Variants in ZNF41 observed in about 807,000 individuals in gnomAD.
The protein encoded by ZNF41 is zinc finger protein 41.
In ZNF41, 6 loss-of-function variants were observed where a neutral mutation model predicts 9.3. That is an observed-to-expected ratio of 0.65 (90% CI 0.35 to 1.28). The LOEUF (loss-of-function observed/expected upper bound fraction) is 1.28, where lower values mean the gene tolerates loss of function less well. Ranked by LOEUF, ZNF41 falls within the 50% of genes most tolerant of loss-of-function variation. The pLI is 0.03. For missense variants in ZNF41, 523 were observed against 585.8 expected (o/e 0.89, Z 1.11); for synonymous variants, 192 against 207.1 (o/e 0.93, Z 0.63).
At chrX:47,458,777 G>T (rs377392048) in intron 2 of ZNF41, among the ~76,000 whole-genome samples, 87 of 105,228 alleles carry the variant, frequency 8.3e-4, no homozygotes, top group East Asian at 2.5e-3. Context: ...TTTTTTTTTT[G>T]TTTTGTTTTT....
At position 47,478,398 on chromosome X, in the gene ZNF41, G is replaced by T. The variant is rs767817605; in HGVS notation, c.-280+4697C>A. On this transcript the variant is annotated intron_variant, in intron 1 of 4. Transcript: ENST00000684689. ...GGCACGCACCTATAGTCCCAGCTACGTGGGAGGCTGAGGCAGGAGAATTGC... is the reference window on the plus strand; with the variant it reads ...GGCACGCACCTATAGTCCCAGCTACTTGGGAGGCTGAGGCAGGAGAATTGC... Among the ~76,000 whole-genome samples, 699 of 110,312 alleles carry T rather than the reference G, an allele frequency of 6.3e-3. 7 individuals carry two copies. The highest frequency in any genetic ancestry group is 0.022 in the African/African-American group (664 of 30,350).
At chrX:47,451,425 T>G (rs1194191582) in intron 4 of ZNF41, among the ~76,000 whole-genome samples, 1 of 112,470 alleles carries the variant, frequency 8.9e-6, no homozygotes, top group Non-Finnish European at 1.9e-5. Context: ...CCAGTTACCC[T>G]GATGTGATTA....
At chrX:47,477,501 A>C (rs1485601034) in intron 1 of ZNF41, among the ~76,000 whole-genome samples, 1 of 112,712 alleles carries the variant, frequency 8.9e-6, no homozygotes, top group Non-Finnish European at 1.9e-5. Flanking sequence ...AATTGTGTAC[A>C]GATCTTATGA....
rs896588701 is a variant in ZNF41 at position 47,481,259 on chromosome X, T to C, written c.-280+1836A>G. On this transcript the variant is annotated intron_variant, in intron 1 of 4. Transcript: ENST00000684689. ...GAGTTCAAGACCAGCCTGGGCAACA[T>C]AGCAAGACCCCAATCTCTACAAAAA... Among the ~76,000 whole-genome samples the C allele has an allele frequency of 2.7e-5, 3 of 110,683 alleles. No homozygotes were observed. In the Admixed American group the frequency reaches 2.9e-4, roughly 11 times the overall value.
chrX:47,467,460 G>GA lies in ZNF41; in HGVS notation c.21dup (p.Pro8SerfsTer17). ...GCAGCCAGGGCCGGGGACCATGGGG[G>GA]AGAGTCCCCATTAGCTGCCATGTTC... On this transcript the variant is annotated frameshift_variant, in exon 2 of 5. Transcript: ENST00000684689. LOFTEE classifies it high-confidence loss of function. The GA allele has an allele frequency of 8.4e-7, 1 of 1,188,568 alleles. No homozygotes were observed. Among genetic ancestry groups the GA allele is most frequent in the Non-Finnish European group, 1.1e-6 (1 of 882,837 alleles).
At chrX:47,469,714 T>TA (rs1228015310) in intron 1 of ZNF41, among the ~76,000 whole-genome samples, 1 of 110,018 alleles carries the variant, frequency 9.1e-6, no homozygotes, top group Non-Finnish European at 1.9e-5. Flanking sequence ...ACTAAAAATA[T>TA]AAAAAATTAG....
At chrX:47,466,506 C>T (rs1231346560) in intron 2 of ZNF41, among the ~76,000 whole-genome samples, 1 of 108,031 alleles carries the variant, frequency 9.3e-6, no homozygotes, top group Non-Finnish European at 1.9e-5. Context: ...CTGGGCGAGT[C>T]ATGTGTCTTC....
intron 4 of ZNF41, among the ~76,000 whole-genome samples, chrX:47,454,244 T>G (rs1227939789): frequency 9.0e-6 from 1 of 110,687 alleles, no homozygotes; most frequent in Non-Finnish European, 1.9e-5. Flanking sequence ...AGGGCAATGT[T>G]ATGAACAAGG....
At chrX:47,463,845 A>C (rs1326724509) in intron 2 of ZNF41, among the ~76,000 whole-genome samples, 1 of 111,098 alleles carries the variant, frequency 9.0e-6, no homozygotes, top group East Asian at 2.8e-4. Context: ...CCCATTCTAC[A>C]GCCTCAGCAA....
At chrX:47,477,650 T>C (rs1206253014) in intron 1 of ZNF41, among the ~76,000 whole-genome samples, 1 of 112,715 alleles carries the variant, frequency 8.9e-6, no homozygotes, top group East Asian at 2.8e-4. Context: ...TGATTGACTC[T>C]AACTACTACT....
At chrX:47,450,296 C>T (rs778040338) in intron 4 of ZNF41, among the ~76,000 whole-genome samples, 15 of 110,786 alleles carry the variant, frequency 1.4e-4, no homozygotes, top group African/African-American at 3.6e-4. Flanking sequence ...CTGCAACCTC[C>T]GCCTCCCGGG....
rs144904486 is a variant in ZNF41, at chrX:47,447,656, C to A, written c.2114G>T (p.Arg705Leu). The A allele has an allele frequency of 5.0e-6, 6 of 1,211,528 alleles. No individual in the cohort carries two copies. Among genetic ancestry groups the A allele is most frequent in the East Asian group, 3.0e-5 (1 of 33,835 alleles). Residue 705 changes from arginine to leucine, a missense_variant, in exon 5 of 5, where the codon CGC becomes CTC. Coordinates refer to ENST00000684689, the MANE Select transcript of ZNF41 (RefSeq NM_001324144.2). Reference protein sequence around the residue: ...DCGKTFTWKSRLNIHQKSHTG... With the variant: ...DCGKTFTWKSLLNIHQKSHTG... Reference sequence around the variant, plus strand: ...ATGAGACTTCTGATGTATATTGAGGCGTGACTTCCAGGTGAAGGTTTTCCC... The same window carrying A: ...ATGAGACTTCTGATGTATATTGAGGAGTGACTTCCAGGTGAAGGTTTTCCC...
In ZNF41 at chrX:47,448,373, G is replaced by A. The variant is rs777734489; in HGVS notation, c.1397C>T (p.Pro466Leu). ...THQRIHTGEK[P>L]YECSDCGKSF... ...TTTCCCACAGTCACTGCATTCATACGGCTTTTCTCCAGTATGAATTCTCTG... is the reference window on the plus strand; with the variant it reads ...TTTCCCACAGTCACTGCATTCATACAGCTTTTCTCCAGTATGAATTCTCTG... Residue 466 changes from proline (P) to leucine (L), a missense_variant, in exon 5 of 5, where the codon CCG becomes CTG. Pro to Leu is a moderately conservative substitution (Grantham distance 98). Transcript: ENST00000684689. 18 of 1,211,168 alleles carry A rather than the reference G, an allele frequency of 1.5e-5. No individual in the cohort carries two copies. The highest frequency in any genetic ancestry group is 4.6e-4 in the Middle Eastern group (2 of 4,352).
At chrX:47,479,950 CTGGG>C (rs2057430600) in intron 1 of ZNF41, among the ~76,000 whole-genome samples, 1 of 110,460 alleles carries the variant, frequency 9.1e-6, no homozygotes, top group Non-Finnish European at 1.9e-5. Context: ...CAAAAATTAG[CTGGG>C]CAGGGTGGCA....
chrX:47,474,536 GAA>G (rs1322232784), intron 1 of ZNF41, among the ~76,000 whole-genome samples: 1 of 110,967 alleles, frequency 9.0e-6, no homozygotes, highest in African/African-American at 3.3e-5. Context: ...AGAGAAATGA[GAA>G]ACAGATGGTT....
intron 1 of ZNF41, among the ~76,000 whole-genome samples, chrX:47,473,545 C>T (rs1452292852): frequency 2.7e-5 from 3 of 111,814 alleles, no homozygotes; most frequent in Non-Finnish European, 3.8e-5. Context: ...ATGCATTAAA[C>T]CACATGAAGT....
chrX:47,481,704 A>C (rs1389351438), intron 1 of ZNF41, among the ~76,000 whole-genome samples: 1 of 112,166 alleles, frequency 8.9e-6, no homozygotes, highest in Non-Finnish European at 1.9e-5. Context: ...CACGGAGCTA[A>C]AGTGTTCTTA....
At position 47,446,448 on chromosome X, in the gene ZNF41, T is replaced by G. The variant is rs751899353; in HGVS notation, c.*982A>C. Reference sequence around the variant, plus strand: ...AAAATATTAGGAAGTGAAACTCAATTTTTCAACCATTCTTTTTCAGGAAAT... The same window carrying G: ...AAAATATTAGGAAGTGAAACTCAATGTTTCAACCATTCTTTTTCAGGAAAT... On this transcript the variant is annotated 3_prime_UTR_variant, in exon 5 of 5. Coordinates refer to ENST00000684689, the MANE Select transcript of ZNF41 (RefSeq NM_001324144.2). 2.7e-5 allele frequency: 3 copies of G among 110,558 alleles called. No homozygotes were observed. Among genetic ancestry groups the G allele is most frequent in the African/African-American group, 9.8e-5 (3 of 30,499 alleles). 9.1% of individuals were successfully genotyped at this position (110,558 alleles called of 1,213,427 possible).
At chrX:47,462,897 T>C (rs1392578265) in intron 2 of ZNF41, among the ~76,000 whole-genome samples, 1 of 100,451 alleles carries the variant, frequency 1.0e-5, no homozygotes, top group East Asian at 3.1e-4. Flanking sequence ...CCCGGCTGAT[T>C]TTTTTTTTGT....
Sources: gnomAD v4.1 joint callset for allele counts (sites outside exome capture counted in the v4.1 genomes callset) on GRCh38, gnomAD v4.1.1 for gene constraint, MANE v1.5 for transcripts, NCBI Gene and HGNC (gene_info 2026-07-23, HGNC 2026-07-21) for gene names.